The following SUMF1 variants were observed in gnomAD, a reference collection of about 807,000 sequenced individuals.
The protein encoded by SUMF1 is formylglycine-generating enzyme.
SUMF1 carries 48 observed loss-of-function variants against 47.6 expected under a neutral mutation model. The observed-to-expected ratio is 1.01, with a 90% confidence interval of 0.80 to 1.28. The LOEUF (loss-of-function observed/expected upper bound fraction) is 1.28, where lower values mean the gene tolerates loss of function less well. SUMF1 is among the 50% of genes most tolerant of loss of function. The pLI is 0.00. For missense variants in SUMF1, 571 were observed against 485.4 expected, an observed-to-expected ratio of 1.18 and a Z score of -1.66; for synonymous variants, 230 against 192.1, an observed-to-expected ratio of 1.20 and a Z score of -1.63.
chr3:4,178,245 G>T (rs897231359), intron 8 of SUMF1, among the ~76,000 whole-genome samples: 13 of 152,080 alleles, frequency 8.5e-5, no homozygotes, highest in Non-Finnish European at 1.6e-4. Flanking sequence ...CAAAAAAAGA[G>T]AATGTTAGGC....
intron 9 of SUMF1, among the ~76,000 whole-genome samples, chr3:4,045,871 C>T (rs771248866): frequency 2.6e-5 from 4 of 152,076 alleles, no homozygotes; most frequent in Admixed American, 2.6e-4. Flanking sequence ...CAAACAGGAG[C>T]CTGGACATGA....
At chr3:4,192,622 G>A (rs767992772) in intron 8 of SUMF1, among the ~76,000 whole-genome samples, 13 of 152,086 alleles carry the variant, frequency 8.5e-5, no homozygotes, top group African/African-American at 3.1e-4. Flanking sequence ...TGAGATAGAA[G>A]TGTCTTTGTT....
intron 4 of SUMF1, among the ~76,000 whole-genome samples, chr3:4,419,359 G>A (rs1181156826): frequency 2.0e-5 from 3 of 152,108 alleles, no homozygotes; most frequent in East Asian, 1.9e-4. Flanking sequence ...GCAGCTCCCC[G>A]ACAATAAGGG....
chr3:4,455,894 C>G (rs1186451359), intron 1 of SUMF1, among the ~76,000 whole-genome samples: 1 of 151,992 alleles, frequency 6.6e-6, no homozygotes, highest in East Asian at 1.9e-4. Context: ...TACACTGACA[C>G]CAAAGCCAGA....
intron 8 of SUMF1, among the ~76,000 whole-genome samples, chr3:4,368,461 A>T (rs1418154936): frequency 6.6e-6 from 1 of 152,132 alleles, no homozygotes; most frequent in Non-Finnish European, 1.5e-5. Flanking sequence ...TAGAAATACC[A>T]TTTGACCCAG....
At chr3:4,369,724 C>A (rs1202296464) in intron 8 of SUMF1, among the ~76,000 whole-genome samples, 1 of 152,122 alleles carries the variant, frequency 6.6e-6, no homozygotes, top group African/African-American at 2.4e-5. Context: ...GCCATACATC[C>A]AGAAACTCTG....
intron 8 of SUMF1, among the ~76,000 whole-genome samples, chr3:4,155,828 T>A (rs1284953362): frequency 6.6e-6 from 1 of 150,870 alleles, no homozygotes; most frequent in Non-Finnish European, 1.5e-5. Flanking sequence ...TAACATCAAA[T>A]TAAACCCAGG....
At chr3:4,195,675 A>G (rs1171027848) in intron 8 of SUMF1, among the ~76,000 whole-genome samples, 1 of 152,188 alleles carries the variant, frequency 6.6e-6, no homozygotes, top group Non-Finnish European at 1.5e-5. Context: ...AGTGCTGAAT[A>G]TTCAAAAAGC....
At chr3:4,237,337 T>G (rs1696432038) in intron 8 of SUMF1, among the ~76,000 whole-genome samples, 1 of 152,134 alleles carries the variant, frequency 6.6e-6, no homozygotes, top group African/African-American at 2.4e-5. Flanking sequence ...CAATGTGTAC[T>G]GGTATCTCAT....
intron 8 of SUMF1, among the ~76,000 whole-genome samples, chr3:4,081,869 C>A (rs894036332): frequency 6.6e-6 from 1 of 152,082 alleles, no homozygotes; most frequent in African/African-American, 2.4e-5. Context: ...AAAGCTCATA[C>A]CTGGTCCATC....
At chr3:4,277,988 T>C (rs1343942405) in intron 8 of SUMF1, among the ~76,000 whole-genome samples, 1 of 152,164 alleles carries the variant, frequency 6.6e-6, no homozygotes, top group Non-Finnish European at 1.5e-5. Context: ...GAAAAAATTA[T>C]GTAGAGAATG....
At chr3:4,153,714 A>G (rs1694390545) in intron 8 of SUMF1, among the ~76,000 whole-genome samples, 2 of 151,444 alleles carry the variant, frequency 1.3e-5, no homozygotes, top group Admixed American at 1.3e-4. Flanking sequence ...CTACATTACC[A>G]TTCACCTCCT....
chr3:4,117,958 A>G (rs1289057155), intron 8 of SUMF1, among the ~76,000 whole-genome samples: 1 of 151,976 alleles, frequency 6.6e-6, no homozygotes, highest in Non-Finnish European at 1.5e-5. Flanking sequence ...GACTATTCCA[A>G]ACTTTTTTAA....
chr3:4,371,560 T>C (rs1700168692), intron 8 of SUMF1, among the ~76,000 whole-genome samples: 1 of 152,220 alleles, frequency 6.6e-6, no homozygotes, highest in Non-Finnish European at 1.5e-5. Flanking sequence ...TCCGTTGCTC[T>C]TGCCACTAAC....
chr3:4,337,919 C>T (rs1432513805), intron 8 of SUMF1, among the ~76,000 whole-genome samples: 1 of 152,092 alleles, frequency 6.6e-6, no homozygotes, highest in East Asian at 1.9e-4. Flanking sequence ...AGTAAACCCC[C>T]AATCATAGAC....
At chr3:4,233,129 C>G (rs1696337991) in intron 8 of SUMF1, among the ~76,000 whole-genome samples, 1 of 152,156 alleles carries the variant, frequency 6.6e-6, no homozygotes, top group African/African-American at 2.4e-5. Context: ...ATCCTCAGAT[C>G]CCAAAAACAA....
At chr3:4,043,054 A>G (rs1039955243) in intron 9 of SUMF1, among the ~76,000 whole-genome samples, 3 of 152,142 alleles carry the variant, frequency 2.0e-5, no homozygotes, top group Non-Finnish European at 2.9e-5. Context: ...GCAGGAGAGC[A>G]GAGTTGAGCA....
chr3:4,317,967 A>G (rs1395037494), intron 8 of SUMF1, among the ~76,000 whole-genome samples: 1 of 152,176 alleles, frequency 6.6e-6, no homozygotes, highest in Non-Finnish European at 1.5e-5. Context: ...AAAGGGGGAA[A>G]AAGTCACTAA....
intron 8 of SUMF1, among the ~76,000 whole-genome samples, chr3:4,180,393 A>G (rs1281506425): frequency 1.3e-5 from 2 of 152,170 alleles, no homozygotes; most frequent in African/African-American, 4.8e-5. Flanking sequence ...TGTCCTTTGC[A>G]GGAACATGAA....
Sources: gnomAD v4.1 joint callset for allele counts (sites outside exome capture counted in the v4.1 genomes callset) on GRCh38, gnomAD v4.1.1 for gene constraint, MANE v1.5 for transcripts, NCBI Gene and HGNC (gene_info 2026-07-23, HGNC 2026-07-21) for gene names.